Variants in SORCS3 observed in about 807,000 individuals in gnomAD.
SORCS3 encodes sortilin related VPS10 domain containing receptor 3.
In SORCS3, 57 loss-of-function variants were observed where a neutral mutation model predicts 146.3. That is an observed-to-expected ratio of 0.39 (90% CI 0.31 to 0.49). SORCS3 has a LOEUF of 0.49. SORCS3 is among the 20% of genes least tolerant of loss of function. SORCS3 has a pLI of 0.92. For missense variants in SORCS3, 1,341 were observed against 1,575.5 expected (o/e 0.85, Z 2.52); for synonymous variants, 653 against 618.5 (o/e 1.06, Z -0.83).
chr10:104,892,915 A>T (rs1015849877), intron 2 of SORCS3, among the ~76,000 whole-genome samples: 4 of 152,100 alleles, frequency 2.6e-5, no homozygotes, highest in African/African-American at 9.7e-5. Context: ...TCCTTAAAAA[A>T]GTCAATCTCT....
intron 16 of SORCS3, among the ~76,000 whole-genome samples, chr10:105,206,526 C>A (rs1312185218): frequency 1.3e-5 from 2 of 152,056 alleles, no homozygotes; most frequent in Non-Finnish European, 2.9e-5. Flanking sequence ...AGTGGTGGGA[C>A]TATGTAGACT....
intron 7 of SORCS3, among the ~76,000 whole-genome samples, chr10:105,122,540 T>C (rs2055941011): frequency 6.6e-6 from 1 of 152,180 alleles, no homozygotes; most frequent in Non-Finnish European, 1.5e-5. Flanking sequence ...CATCCATTCA[T>C]TTAATAATCT....
intron 4 of SORCS3, among the ~76,000 whole-genome samples, chr10:104,977,978 C>A (rs1024050162): frequency 6.6e-6 from 1 of 152,064 alleles, no homozygotes; most frequent in Non-Finnish European, 1.5e-5. Context: ...GATCCGCCCG[C>A]CTCGGCCTCC....
intron 3 of SORCS3, among the ~76,000 whole-genome samples, chr10:104,938,822 C>G: frequency 6.6e-6 from 1 of 152,310 alleles, no homozygotes; most frequent in East Asian, 1.9e-4. Context: ...TTTCTTGCTG[C>G]CTTGCGGGGG....
In SORCS3 at chr10:104,910,113, C is replaced by T. The variant is rs942697908; in HGVS notation, c.696-5720C>T. Among the ~76,000 whole-genome samples the T allele has an allele frequency of 1.5e-4, 23 of 152,092 alleles. 1 individual carries two copies. Among genetic ancestry groups the T allele is most frequent in the Admixed American group, 1.4e-3 (21 of 15,272 alleles). On this transcript the variant is annotated intron_variant, in intron 2 of 26. Coordinates refer to ENST00000369701, the MANE Select transcript of SORCS3 (RefSeq NM_014978.3). ...CATAGAATAGTCCCAAGCACCTCTACGAAGTTGAAGAGGGAGGATGTCCAG... is the reference window on the plus strand; with the variant it reads ...CATAGAATAGTCCCAAGCACCTCTATGAAGTTGAAGAGGGAGGATGTCCAG...
chr10:105,008,224 G>C (rs1018784746), intron 4 of SORCS3, among the ~76,000 whole-genome samples: 3 of 152,136 alleles, frequency 2.0e-5, no homozygotes, highest in Middle Eastern at 3.2e-3. Context: ...GCACAAGACT[G>C]TGAACAATAG....
chr10:104,851,655 G>C (rs2018275186), intron 2 of SORCS3, among the ~76,000 whole-genome samples: 3 of 152,130 alleles, frequency 2.0e-5, no homozygotes, highest in Admixed American at 1.3e-4. Context: ...TTGGAATGTG[G>C]TTTGAAGCCA....
At chr10:104,724,447 A>T (rs969928445) in intron 1 of SORCS3, among the ~76,000 whole-genome samples, 1 of 151,954 alleles carries the variant, frequency 6.6e-6, no homozygotes, top group East Asian at 1.9e-4. Flanking sequence ...TCTGACAATT[A>T]TGTGTCTTGG....
intron 1 of SORCS3, among the ~76,000 whole-genome samples, chr10:104,795,745 G>A (rs2017547747): frequency 6.6e-6 from 1 of 152,230 alleles, no homozygotes; most frequent in Non-Finnish European, 1.5e-5. Context: ...GACCAGAGAT[G>A]ATGGGAGCTG....
intron 9 of SORCS3, among the ~76,000 whole-genome samples, chr10:105,153,570 G>A (rs1391778127): frequency 6.6e-6 from 1 of 152,026 alleles, no homozygotes; most frequent in Admixed American, 6.6e-5. Context: ...TATGAGAGTA[G>A]CAGTTGCTTC....
chr10:104,819,015 A>G (rs1295922845), intron 1 of SORCS3, among the ~76,000 whole-genome samples: 1 of 144,988 alleles, frequency 6.9e-6, no homozygotes, highest in Non-Finnish European at 1.5e-5. Flanking sequence ...AGATAAAATG[A>G]GGGAAAATGG....
intron 2 of SORCS3, among the ~76,000 whole-genome samples, chr10:104,880,061 T>C (rs956014082): frequency 1.3e-5 from 2 of 152,206 alleles, no homozygotes; most frequent in Non-Finnish European, 2.9e-5. Context: ...ATTTCATTTA[T>C]ATTTTAAATA....
chr10:104,877,400 T>G (rs1190206066), intron 2 of SORCS3, among the ~76,000 whole-genome samples: 2 of 152,218 alleles, frequency 1.3e-5, no homozygotes, highest in Non-Finnish European at 2.9e-5. Context: ...CCTCAGAACC[T>G]GTATCCTCTT....
At chr10:104,700,980 T>G (rs1376999891) in intron 1 of SORCS3, among the ~76,000 whole-genome samples, 1 of 152,232 alleles carries the variant, frequency 6.6e-6, no homozygotes, top group Admixed American at 6.5e-5. Context: ...TGCTTAGCCT[T>G]CAGAAGAAGA....
At chr10:104,645,687 A>G (rs1178425088) in intron 1 of SORCS3, among the ~76,000 whole-genome samples, 1 of 152,206 alleles carries the variant, frequency 6.6e-6, no homozygotes, top group Non-Finnish European at 1.5e-5. Flanking sequence ...AGGCCCTCCC[A>G]GATCACCCTG....
At chr10:105,165,848 C>T (rs2056308489) in intron 12 of SORCS3, among the ~76,000 whole-genome samples, 1 of 152,094 alleles carries the variant, frequency 6.6e-6, no homozygotes, top group South Asian at 2.1e-4. Flanking sequence ...CTTTTTCACT[C>T]CAGTACTAGA....
intron 2 of SORCS3, among the ~76,000 whole-genome samples, chr10:104,893,973 G>A (rs2018774243): frequency 6.6e-6 from 1 of 152,124 alleles, no homozygotes; most frequent in Admixed American, 6.5e-5. Flanking sequence ...GTTTAGCTAT[G>A]TCTACTCCCT....
intron 16 of SORCS3, among the ~76,000 whole-genome samples, chr10:105,209,205 G>A (rs925008922): frequency 2.0e-5 from 3 of 151,938 alleles, no homozygotes; most frequent in African/African-American, 4.8e-5. Flanking sequence ...GCAGTGGTGC[G>A]GTCTTGGTTC....
chr10:105,210,180 A>G (rs2056625562), intron 16 of SORCS3, among the ~76,000 whole-genome samples: 1 of 152,130 alleles, frequency 6.6e-6, no homozygotes, highest in African/African-American at 2.4e-5. Flanking sequence ...CAAAGAATAT[A>G]CAGGAAGCAG....
Sources: gnomAD v4.1 joint callset for allele counts (sites outside exome capture counted in the v4.1 genomes callset) on GRCh38, gnomAD v4.1.1 for gene constraint, MANE v1.5 for transcripts, NCBI Gene and HGNC (gene_info 2026-07-23, HGNC 2026-07-21) for gene names.